Variants in TTI1 observed in about 807,000 individuals in gnomAD.
TTI1 encodes the protein TELO2 interacting protein 1, also known as TELO2-interacting protein 1 homolog.
A neutral mutation model predicts 85.4 loss-of-function variants in TTI1; 52 were observed. That is an observed-to-expected ratio of 0.61 (90% CI 0.49 to 0.77). The LOEUF is 0.77. Among genes scored for constraint, TTI1 ranks in the 30% least tolerant of loss-of-function variants. The pLI is 0.00. For missense variants in TTI1, 1,173 were observed against 1,296.0 expected (o/e 0.91, Z 1.46); for synonymous variants, 512 against 503.9 (o/e 1.02, Z -0.22).
intron 5 of TTI1, among the ~76,000 whole-genome samples, chr20:37,997,393 A>G (rs940517394): frequency 2.0e-5 from 3 of 152,180 alleles, no homozygotes; most frequent in Non-Finnish European, 4.4e-5. Context: ...CTGCTGCCAC[A>G]TGCAGGCATC....
chr20:37,989,215 TTTGAC>T (rs2073230430), intron 7 of TTI1, among the ~76,000 whole-genome samples: 1 of 152,226 alleles, frequency 6.6e-6, no homozygotes, highest in Non-Finnish European at 1.5e-5. Flanking sequence ...TACATGCTCG[TTTGAC>T]TTAACTATGT....
intron 1 of TTI1, among the ~76,000 whole-genome samples, chr20:38,015,639 TTAATAA>T (rs752189514): frequency 2.0e-5 from 3 of 151,906 alleles, no homozygotes; most frequent in Admixed American, 6.6e-5. Flanking sequence ...GATAAGAATT[TTAATAA>T]TAATAATAAT....
chr20:38,014,688 G>A (rs931046187), intron 1 of TTI1, among the ~76,000 whole-genome samples: 2 of 152,194 alleles, frequency 1.3e-5, no homozygotes, highest in African/African-American at 4.8e-5. Flanking sequence ...AAGATGGACA[G>A]CAGGCAGGCA....
chr20:38,019,346 T>C (rs1283292900), intron 1 of TTI1, among the ~76,000 whole-genome samples: 1 of 152,154 alleles, frequency 6.6e-6, no homozygotes, highest in East Asian at 1.9e-4. Context: ...CAATAACTAT[T>C]ATGTCTTCTG....
At chr20:37,989,886 C>T (rs1487119570) in intron 7 of TTI1, among the ~76,000 whole-genome samples, 1 of 152,240 alleles carries the variant, frequency 6.6e-6, no homozygotes, top group East Asian at 1.9e-4. Flanking sequence ...TCTGTATTTA[C>T]TGCAAGGACG....
At chr20:37,995,512 G>C (rs1295206030) in intron 7 of TTI1, among the ~76,000 whole-genome samples, 1 of 152,262 alleles carries the variant, frequency 6.6e-6, no homozygotes, top group African/African-American at 2.4e-5. Context: ...GGCTGAAGGA[G>C]CTGCAGGGCT....
At chr20:38,020,323 A>AAAAAAATATATAT in intron 1 of TTI1, among the ~76,000 whole-genome samples, 135 of 50,334 alleles carry the variant, frequency 2.7e-3, no homozygotes, top group Non-Finnish European at 3.8e-3. Context: ...AAAAAAAAAA[A>AAAAAAATATATAT]ATATATATAT....
intron 2 of TTI1, among the ~76,000 whole-genome samples, chr20:38,009,269 C>A (rs1001917896): frequency 1.3e-5 from 2 of 152,172 alleles, no homozygotes; most frequent in Non-Finnish European, 2.9e-5. Context: ...TCCACGAGGG[C>A]AGGCCTAAGT....
chr20:38,028,637 C>T lies in TTI1; in HGVS notation c.-42+4767G>A, dbSNP rs150930960. On this transcript the variant is annotated intron_variant, in intron 1 of 7. Transcript: ENST00000373447. ...CCACAAGGATATAGAAAAACCACCA[C>T]CATCAACCAACAGGACCTATGACAT... is the stretch of plus-strand genomic sequence containing the variant. Among the ~76,000 whole-genome samples, 33 of 152,330 alleles carry T rather than the reference C, an allele frequency of 2.2e-4. No individual in the cohort carries two copies. In the East Asian group the frequency reaches 6.4e-3, roughly 29 times the overall value.
intron 1 of TTI1, among the ~76,000 whole-genome samples, chr20:38,024,464 TC>T (rs2073811001): frequency 6.6e-6 from 1 of 152,026 alleles, no homozygotes; most frequent in Non-Finnish European, 1.5e-5. Context: ...AGTGCTGAGT[TC>T]CCCAGGTTTT....
intron 7 of TTI1, among the ~76,000 whole-genome samples, chr20:37,990,831 C>T (rs1361992218): frequency 6.6e-6 from 1 of 152,202 alleles, no homozygotes; most frequent in Non-Finnish European, 1.5e-5. Context: ...ACTGTGCACA[C>T]ACACCCCACG....
At position 38,029,630 on chromosome 20, in the gene TTI1, A is replaced by G. The variant is rs545270423; in HGVS notation, c.-42+3774T>C. On this transcript the variant is annotated intron_variant, in intron 1 of 7. Transcript: ENST00000373447. ...GAGACACTGATACTGGAAATTTCCA[A>G]TATCAGTAATGAAACGGGACAGTAC... Among the ~76,000 whole-genome samples the G allele has an allele frequency of 6.5e-4, 99 of 152,240 alleles. 2 individuals carry two copies. The South Asian group carries it at 0.01, about 16-fold the overall frequency.
Position 38,013,573 on chromosome 20 carries a change from G to A in TTI1, c.244C>T (p.Leu82Phe), listed in dbSNP as rs748805181. ...TGTTCTTTCACACATGTTGAAGAAA[G>A]GACAAATGTGAGGCATTCCACCACA... Reference protein sequence around the residue: ...QSVVECLTFVLSSTCVKEQEL... With the variant: ...QSVVECLTFVFSSTCVKEQEL... Residue 82 changes from leucine (L) to phenylalanine (F), a missense_variant, in exon 2 of 8, where the codon CTT becomes TTT. Transcript: ENST00000373447. 6.9e-5 allele frequency: 111 copies of A among 1,614,122 alleles called. No individual in the cohort carries two copies. The highest frequency in any genetic ancestry group is 4.2e-5 in the Non-Finnish European group (50 of 1,180,046).
chr20:38,015,946 C>T (rs2073676349), intron 1 of TTI1, among the ~76,000 whole-genome samples: 1 of 152,202 alleles, frequency 6.6e-6, no homozygotes, highest in Non-Finnish European at 1.5e-5. Context: ...ACCGAAAAGC[C>T]TTGAAGGATA....
chr20:38,009,589 C>T lies in TTI1; in HGVS notation c.2302+1926G>A, dbSNP rs577371430. Among the ~76,000 whole-genome samples the T allele has an allele frequency of 2.0e-5, 3 of 152,066 alleles. No homozygotes were observed. In the South Asian group the frequency reaches 6.2e-4, roughly 32 times the overall value. Reference sequence around the variant, plus strand: ...GGTGCAATCATGGCTCACTGCAGCCCTGACCTCCCTGGGCTTAGGTGATGC... The same window carrying T: ...GGTGCAATCATGGCTCACTGCAGCCTTGACCTCCCTGGGCTTAGGTGATGC... On this transcript the variant is annotated intron_variant, in intron 2 of 7. Coordinates refer to ENST00000373447, the MANE Select transcript of TTI1 (RefSeq NM_001303457.2).
intron 7 of TTI1, among the ~76,000 whole-genome samples, chr20:37,989,377 G>A (rs1287071564): frequency 6.6e-6 from 1 of 152,182 alleles, no homozygotes; most frequent in Non-Finnish European, 1.5e-5. Context: ...CCATACCTCT[G>A]AAGTGCCACA....
At chr20:37,998,372 C>G (rs1276643252) in intron 5 of TTI1, among the ~76,000 whole-genome samples, 1 of 152,130 alleles carries the variant, frequency 6.6e-6, no homozygotes, top group Non-Finnish European at 1.5e-5. Context: ...GATCAAACTA[C>G]TTTGGCCAAC....
intron 1 of TTI1, among the ~76,000 whole-genome samples, chr20:38,018,756 C>T (rs1490383959): frequency 1.3e-5 from 2 of 150,322 alleles, no homozygotes; most frequent in African/African-American, 2.4e-5. Context: ...AGAATGCTAT[C>T]TAAAGAAAAT....
chr20:38,006,523 C>G (rs1274016138), intron 2 of TTI1, 126 bp from the exon 3 acceptor site: 6 of 1,016,212 alleles, frequency 5.9e-6, no homozygotes, highest in Admixed American at 2.4e-5. Context: ...GCCTGGCTCC[C>G]CGGCCTCCCA....
Sources: gnomAD v4.1 joint callset for allele counts (sites outside exome capture counted in the v4.1 genomes callset) on GRCh38, gnomAD v4.1.1 for gene constraint, MANE v1.5 for transcripts, NCBI Gene and HGNC (gene_info 2026-07-23, HGNC 2026-07-21) for gene names.